Variants in ZNF236 observed in about 807,000 individuals in gnomAD.
ZNF236 encodes the protein regulated by glucose.
In ZNF236, 50 loss-of-function variants were observed where a neutral mutation model predicts 191.2. The ratio of observed to expected loss-of-function variants is 0.26; its 90% CI spans 0.21 to 0.33. The LOEUF (loss-of-function observed/expected upper bound fraction) is 0.33. ZNF236 is among the 10% of genes least tolerant of loss of function. The pLI is 1.00. For synonymous variants in ZNF236, 907 were observed against 928.8 expected (o/e 0.98, Z 0.43); for missense variants, 1,754 against 2,374.5 (o/e 0.74, Z 5.43).
In ZNF236 at chr18:76,871,684, C is replaced by G. The variant is rs377423374; in HGVS notation, c.543-17C>G. 6 of 1,613,570 alleles carry G rather than the reference C, an allele frequency of 3.7e-6. No individual in the cohort carries two copies. The highest frequency in any genetic ancestry group is 5.1e-6 in the Non-Finnish European group (6 of 1,179,734). On this transcript the variant is annotated splice_polypyrimidine_tract_variant and intron_variant, in intron 4 of 30. Coordinates refer to ENST00000320610, the MANE Select transcript of ZNF236 (RefSeq NM_001306089.2). ...GAGACATCTTACTGTGTATTTTGCC[C>G]CCCTTTATTACACTAGGGTATCAAG...
rs762289084 is a variant in ZNF236, at chr18:76,969,909, C to A, written c.*1570C>A. 2 of 152,472 alleles carry A rather than the reference C, an allele frequency of 1.3e-5. No homozygotes were observed. The highest frequency in any genetic ancestry group is 2.9e-5 in the Non-Finnish European group (2 of 68,008). 9.4% of individuals were successfully genotyped at this position (152,472 alleles called of 1,614,324 possible). A position where few individuals can be genotyped will look rare whatever the true frequency, so the allele number is the denominator to read the frequency against. On this transcript the variant is annotated 3_prime_UTR_variant, in exon 31 of 31. Transcript: ENST00000320610. ...AGAAAATTGTTAAATAATATTACTT[C>A]TTTTCCAAACTGCTTTGTGTATTGT...
At chr18:76,912,465 G>T (rs1967243154) in intron 17 of ZNF236, 118 bp downstream of exon 17, 2 of 642,476 alleles carry the variant, frequency 3.1e-6, no homozygotes, top group Admixed American at 6.2e-5. Context: ...GTTCAAAACA[G>T]TTCCATTGTC....
intron 13 of ZNF236, 130 bp downstream of exon 13, chr18:76,905,545 GAAAAAAAAA>G (rs1159878664): frequency 5.9e-3 from 399 of 67,866 alleles, no homozygotes; most frequent in African/African-American, 0.012. Flanking sequence ...ATGGGCTCAA[GAAAAAAAAA>G]AAAAAAAAAA....
At position 76,913,633 on chromosome 18, in the gene ZNF236, A is replaced by G. The variant is rs139046793; in HGVS notation, c.2910-114A>G. 425 of 1,116,168 alleles carry G rather than the reference A, an allele frequency of 3.8e-4. 1 individual carries two copies. The African/African-American group carries it at 6.1e-3, about 16-fold the overall frequency. The allele number at this position is 1,116,168 out of a possible 1,614,324, so 69.1% of individuals were successfully genotyped here. A position where few individuals can be genotyped will look rare whatever the true frequency, so the allele number is the denominator to read the frequency against. On this transcript the variant is annotated intron_variant, in intron 17 of 30. Transcript: ENST00000320610. ...CCTAGGTTCTATAACAGTTGTGCCT[A>G]AATGTTTCATGGTTGTTGGTGAAGC...
At chr18:76,822,800 C>G (rs1029139972) in intron 1 of ZNF236, 138 bp downstream of exon 1, 1 of 145,566 alleles carries the variant, frequency 6.9e-6, no homozygotes, top group African/African-American at 2.5e-5. Context: ...GGGCCGCCGC[C>G]GCCGCCGACT....
In ZNF236 at chr18:76,851,959, A is replaced by G. The variant is rs1185686586; in HGVS notation, c.363+20A>G. On this transcript the variant is annotated intron_variant, in intron 3 of 30. Transcript: ENST00000320610. Reference sequence around the variant, plus strand: ...GAAGAGGTAATCATCATCATTTTGCATATACTTTGTTAACTGATTGTTAAA... The same window carrying G: ...GAAGAGGTAATCATCATCATTTTGCGTATACTTTGTTAACTGATTGTTAAA... 6.3e-7 allele frequency: 1 copy of G among 1,594,940 alleles called. No homozygotes were observed. Among genetic ancestry groups the G allele is most frequent in the Non-Finnish European group, 8.5e-7 (1 of 1,169,908 alleles).
At chr18:76,949,388 G>A (rs1278098677) in intron 27 of ZNF236, among the ~76,000 whole-genome samples, 1 of 152,072 alleles carries the variant, frequency 6.6e-6, no homozygotes, top group Non-Finnish European at 1.5e-5. Context: ...TCCATTAGAT[G>A]GAAATGAGAG....
At chr18:76,964,719 AT>A (rs1246820336) in intron 30 of ZNF236, among the ~76,000 whole-genome samples, 1 of 152,018 alleles carries the variant, frequency 6.6e-6, no homozygotes, top group African/African-American at 2.4e-5. Context: ...TCTATTAGTA[AT>A]TGTTTTATAA....
At position 76,927,609 on chromosome 18, in the gene ZNF236, AT is replaced by A. The variant is rs1967739946; in HGVS notation, c.4414+96del. 9.5e-6 allele frequency: 14 copies of A among 1,472,172 alleles called. No individual in the cohort carries two copies. The highest frequency in any genetic ancestry group is 2.3e-5 in the East Asian group (1 of 43,618). The allele number at this position is 1,472,172 out of a possible 1,614,324, so 91.2% of individuals were successfully genotyped here. A position where few individuals can be genotyped will look rare whatever the true frequency, so the allele number is the denominator to read the frequency against. On this transcript the variant is annotated intron_variant, in intron 24 of 30. Coordinates refer to ENST00000320610, the MANE Select transcript of ZNF236 (RefSeq NM_001306089.2). This position sits in a 1 kb window ranked among gnomAD's most constrained non-coding sequence, Gnocchi z 5.4. ...TTTGAATTTAGGATGTTATGATGTC[AT>A]TTTCTTCTCTTTGTAGAAGAGAATA...
rs761687546 is a variant in ZNF236, at chr18:76,968,569, C to CTACT, written c.*231_*234dup. 7 of 1,289,838 alleles carry CTACT rather than the reference C, an allele frequency of 5.4e-6. No homozygotes were observed. Among genetic ancestry groups the CTACT allele is most frequent in the African/African-American group, 1.6e-5 (1 of 63,868 alleles). The allele number at this position is 1,289,838 out of a possible 1,614,324, so 79.9% of individuals were successfully genotyped here. A position where few individuals can be genotyped will look rare whatever the true frequency, so the allele number is the denominator to read the frequency against. On this transcript the variant is annotated 3_prime_UTR_variant, in exon 31 of 31. Coordinates refer to ENST00000320610, the MANE Select transcript of ZNF236 (RefSeq NM_001306089.2). ...GTCTACAAATCACTGAACTCAGGTA[C>CTACT]TACTGTAGGCAGTTTCCTCCTCAGT...
intron 13 of ZNF236, 21 bp from the exon 14 acceptor site, chr18:76,908,299 C>G (rs1402995379): frequency 3.7e-6 from 6 of 1,604,914 alleles, no homozygotes; most frequent in Non-Finnish European, 4.3e-6. Flanking sequence ...ACCTGATGAA[C>G]TGTTGTTAAT....
At chr18:76,829,812 A>G (rs983841634) in intron 1 of ZNF236, among the ~76,000 whole-genome samples, 1 of 152,202 alleles carries the variant, frequency 6.6e-6, no homozygotes, top group African/African-American at 2.4e-5. Context: ...CCTCGCAGTC[A>G]CAGGCCTTCC....
At chr18:76,876,419 GAAT>G (rs1976717140) in intron 6 of ZNF236, among the ~76,000 whole-genome samples, 1 of 152,048 alleles carries the variant, frequency 6.6e-6, no homozygotes, top group Non-Finnish European at 1.5e-5. Flanking sequence ...TTTTTACTTA[GAAT>G]AATACCTTAA....
At position 76,923,078 on chromosome 18, in the gene ZNF236, C is replaced by T. The variant is rs1967582952; in HGVS notation, c.3565C>T (p.Arg1189Ter). The T allele has an allele frequency of 6.2e-7, 1 of 1,612,204 alleles. No homozygotes were observed. Among genetic ancestry groups the T allele is most frequent in the Non-Finnish European group, 8.5e-7 (1 of 1,178,492 alleles). ...TTAATGCTTTTTGGATAGGCATGTTCGAATCCATACTGGAGAAAAGCCATA... is the reference window on the plus strand; with the variant it reads ...TTAATGCTTTTTGGATAGGCATGTTTGAATCCATACTGGAGAAAAGCCATA... ...KKPSDLVRHV[R>*]IHTGEKPYKC... Residue 1189 changes from arginine (R) to a stop codon, truncating the protein, a stop_gained, in exon 21 of 31, where the codon CGA (arginine) becomes TGA (stop). Transcript: ENST00000320610. LOFTEE classifies it high-confidence loss of function.
At chr18:76,865,800 A>G (rs1286271312) in intron 3 of ZNF236, among the ~76,000 whole-genome samples, 1 of 152,250 alleles carries the variant, frequency 6.6e-6, no homozygotes, top group Non-Finnish European at 1.5e-5. Context: ...TGCATTTGTT[A>G]TATGTAAAGT....
At chr18:76,942,506 T>C (rs1599414883) in intron 26 of ZNF236, among the ~76,000 whole-genome samples, 1 of 151,966 alleles carries the variant, frequency 6.6e-6, no homozygotes, top group South Asian at 2.1e-4. Flanking sequence ...TTTTTTAATT[T>C]TTTATTTTTT....
At chr18:76,883,419 C>T (rs1234646844) in intron 9 of ZNF236, among the ~76,000 whole-genome samples, 1 of 133,332 alleles carries the variant, frequency 7.5e-6, no homozygotes, top group Admixed American at 8.1e-5. Flanking sequence ...ATGAGAAAAC[C>T]ATTGGGGATT....
At chr18:76,921,237 A>C (rs187728293) in intron 20 of ZNF236, among the ~76,000 whole-genome samples, 1 of 152,084 alleles carries the variant, frequency 6.6e-6, no homozygotes, top group Non-Finnish European at 1.5e-5. Context: ...AGAGAGTGAC[A>C]ATGAGGGAGG....
intron 1 of ZNF236, chr18:76,849,267 A>G (rs1975788512): frequency 2.8e-6 from 1 of 353,542 alleles, no homozygotes. Flanking sequence ...AGCCTCAGGA[A>G]TTTAGTTTAA....
Sources: gnomAD v4.1 joint callset for allele counts (sites outside exome capture counted in the v4.1 genomes callset) on GRCh38, gnomAD v4.1.1 for gene constraint, Gnocchi (gnomAD v3.1) non-coding constraint, MANE v1.5 for transcripts, NCBI Gene and HGNC (gene_info 2026-07-23, HGNC 2026-07-21) for gene names.